The following ROBO2 variants were observed in gnomAD, a reference collection of about 807,000 sequenced individuals.
The protein encoded by ROBO2 is roundabout homolog 2.
Under a neutral mutation model 160.8 loss-of-function variants are expected in ROBO2, and 53 were observed. The ratio of observed to expected loss-of-function variants is 0.33; its 90% confidence interval spans 0.26 to 0.41. The LOEUF (loss-of-function observed/expected upper bound fraction) is 0.41, where lower values mean the gene tolerates loss of function less well. Among genes scored for constraint, ROBO2 ranks in the 10% least tolerant of loss-of-function variants. The pLI is 1.00. For missense variants in ROBO2, 1,577 were observed against 1,722.4 expected (o/e 0.92, Z 1.49); for synonymous variants, 664 against 611.7 (o/e 1.09, Z -1.26).
intron 2 of ROBO2, among the ~76,000 whole-genome samples, chr3:76,912,029 T>C (rs1191144497): frequency 6.6e-6 from 1 of 152,212 alleles, no homozygotes; most frequent in African/African-American, 2.4e-5. Context: ...AAGTTTATCA[T>C]GTAAATTTTC....
intron 2 of ROBO2, among the ~76,000 whole-genome samples, chr3:76,763,695 C>A (rs1359609822): frequency 6.6e-6 from 1 of 151,646 alleles, no homozygotes; most frequent in African/African-American, 2.4e-5. Flanking sequence ...ATTGTGCATT[C>A]ATAATTTGTT....
intron 2 of ROBO2, among the ~76,000 whole-genome samples, chr3:76,639,238 G>A (rs892021921): frequency 2.0e-5 from 3 of 151,290 alleles, no homozygotes; most frequent in African/African-American, 4.9e-5. Flanking sequence ...ATATACAGAC[G>A]TGCATATGTA....
chr3:76,031,495 G>A (rs1333572074), intron 2 of ROBO2, among the ~76,000 whole-genome samples: 1 of 152,050 alleles, frequency 6.6e-6, no homozygotes, highest in African/African-American at 2.4e-5. Context: ...TATTGGCTGT[G>A]GGTTTGTCAT....
intron 2 of ROBO2, among the ~76,000 whole-genome samples, chr3:77,163,066 C>T (rs529860000): frequency 2.0e-5 from 3 of 152,018 alleles, no homozygotes; most frequent in Admixed American, 6.5e-5. Flanking sequence ...GAACTCCTGA[C>T]CTCAGGTGAT....
intron 2 of ROBO2, among the ~76,000 whole-genome samples, chr3:76,293,808 G>A (rs914014472): frequency 3.9e-5 from 6 of 152,164 alleles, no homozygotes; most frequent in Admixed American, 6.5e-5. Flanking sequence ...GACTATAACC[G>A]TTCTATTGTC....
intron 2 of ROBO2, among the ~76,000 whole-genome samples, chr3:76,121,767 T>C (rs115724842): frequency 0.011 from 1,633 of 152,308 alleles, 28 homozygotes; most frequent in African/African-American, 0.034. Flanking sequence ...TGATGAATTA[T>C]TTAAAACATT....
At chr3:77,295,426 G>C (rs1276692349) in intron 2 of ROBO2, among the ~76,000 whole-genome samples, 1 of 148,958 alleles carries the variant, frequency 6.7e-6, no homozygotes, top group Non-Finnish European at 1.5e-5. Flanking sequence ...GGTTAAATGG[G>C]AAGTTGAGGC....
intron 2 of ROBO2, among the ~76,000 whole-genome samples, chr3:76,520,773 GACAAA>G (rs536538735): frequency 7.8e-4 from 119 of 152,018 alleles, no homozygotes; most frequent in East Asian, 4.5e-3. Context: ...TCCACATCTT[GACAAA>G]ACAAAACAAA....
intron 2 of ROBO2, among the ~76,000 whole-genome samples, chr3:77,464,608 T>C (rs2153574742): frequency 6.6e-6 from 1 of 152,312 alleles, no homozygotes; most frequent in Middle Eastern, 3.4e-3. Context: ...TTATTAATAG[T>C]ACTTCCTTAG....
At chr3:77,434,308 G>T (rs528393020) in intron 2 of ROBO2, among the ~76,000 whole-genome samples, 1 of 152,000 alleles carries the variant, frequency 6.6e-6, no homozygotes, top group African/African-American at 2.4e-5. Flanking sequence ...CAGACTAGGT[G>T]AGGACCCCCA....
chr3:76,191,488 G>A (rs1003685309), intron 2 of ROBO2, among the ~76,000 whole-genome samples: 4 of 54,360 alleles, frequency 7.4e-5, no homozygotes, highest in Non-Finnish European at 1.2e-4. Flanking sequence ...CAGACATCCC[G>A]TTATTAAAGC....
intron 2 of ROBO2, among the ~76,000 whole-genome samples, chr3:76,317,528 T>G (rs2072136291): frequency 6.6e-6 from 1 of 152,184 alleles, no homozygotes; most frequent in Admixed American, 6.5e-5. Flanking sequence ...GAAACTGAAC[T>G]GTATGAATAT....
At chr3:77,617,844 A>G in intron 22 of ROBO2, 71 bp downstream of exon 23, 1 of 1,527,136 alleles carries the variant, frequency 6.5e-7, no homozygotes, top group Non-Finnish European at 9.0e-7. Flanking sequence ...ATAAATTCAC[A>G]AGAGATTCTG....
At chr3:77,343,656 G>A (rs1243737504) in intron 2 of ROBO2, among the ~76,000 whole-genome samples, 1 of 152,156 alleles carries the variant, frequency 6.6e-6, no homozygotes, top group African/African-American at 2.4e-5. Flanking sequence ...TGTGTCAAGT[G>A]CTTAATATAA....
At chr3:77,568,092 T>C (rs1252104895) in intron 12 of ROBO2, among the ~76,000 whole-genome samples, 1 of 151,986 alleles carries the variant, frequency 6.6e-6, no homozygotes, top group African/African-American at 2.4e-5. Context: ...CAAATACTCT[T>C]CTATTAGTAT....
At chr3:75,952,946 T>C (rs1245193930) in intron 2 of ROBO2, among the ~76,000 whole-genome samples, 3 of 152,008 alleles carry the variant, frequency 2.0e-5, no homozygotes, top group African/African-American at 7.2e-5. Flanking sequence ...CATTTAAAGG[T>C]TCCTGTGTGT....
chr3:76,263,340 C>T (rs1706887858), intron 2 of ROBO2, among the ~76,000 whole-genome samples: 1 of 152,022 alleles, frequency 6.6e-6, no homozygotes, highest in Non-Finnish European at 1.5e-5. Context: ...AGGCGATGCA[C>T]CTTTGCCTCG....
intron 2 of ROBO2, among the ~76,000 whole-genome samples, chr3:76,063,808 CT>C (rs2068148713): frequency 6.6e-6 from 1 of 152,134 alleles, no homozygotes; most frequent in Admixed American, 6.5e-5. Context: ...AATACCCTAC[CT>C]TTAAGTGGAA....
chr3:76,164,860 G>C (rs2072765278), intron 2 of ROBO2, among the ~76,000 whole-genome samples: 1 of 34,976 alleles, frequency 2.9e-5, no homozygotes, highest in Admixed American at 4.6e-4. Context: ...GGGCCTGGCT[G>C]GGACTGCCCC....
Sources: gnomAD v4.1 joint callset for allele counts (sites outside exome capture counted in the v4.1 genomes callset) on GRCh38, gnomAD v4.1.1 for gene constraint, MANE v1.5 for transcripts, NCBI Gene and HGNC (gene_info 2026-07-23, HGNC 2026-07-21) for gene names.